TLN2: variants seen among roughly 807,000 people sequenced by gnomAD.
TLN2 encodes talin-2.
A neutral mutation model predicts 294.7 loss-of-function variants in TLN2; 118 were observed. The ratio of observed to expected loss-of-function variants is 0.40; its 90% confidence interval spans 0.34 to 0.47. The LOEUF (loss-of-function observed/expected upper bound fraction) is 0.47, where lower values mean the gene tolerates loss of function less well. Among genes scored for constraint, TLN2 ranks in the 20% least tolerant of loss-of-function variants. The pLI is 0.84. For synonymous variants in TLN2, 1,431 were observed against 1,304.5 expected, an observed-to-expected ratio of 1.10 and a Z score of -2.09; for missense variants, 3,083 against 3,282.2, an observed-to-expected ratio of 0.94 and a Z score of 1.48.
intron 44 of TLN2, 23 bp downstream of exon 44, chr15:62,781,264 T>G (rs373847201): frequency 5.4e-5 from 85 of 1,582,658 alleles, no homozygotes; most frequent in Non-Finnish European, 6.9e-5. Context: ...AGAGCTGCCC[T>G]CCCCACTGTT....
chr15:62,789,773 GCAT>G (rs1453917971), intron 45 of TLN2, among the ~76,000 whole-genome samples: 2 of 152,224 alleles, frequency 1.3e-5, no homozygotes, highest in African/African-American at 4.8e-5. Flanking sequence ...GTCTCTTCTA[GCAT>G]CATGGTTTCA....
At chr15:62,582,845 A>G (rs2045259837) in intron 1 of TLN2, among the ~76,000 whole-genome samples, 1 of 152,180 alleles carries the variant, frequency 6.6e-6, no homozygotes, top group Non-Finnish European at 1.5e-5. Flanking sequence ...ACGGTAGATC[A>G]GAGTGTAGCC....
At chr15:62,619,193 G>T (rs1038646187) in intron 3 of TLN2, among the ~76,000 whole-genome samples, 4 of 152,136 alleles carry the variant, frequency 2.6e-5, no homozygotes, top group Admixed American at 1.3e-4. Flanking sequence ...TGAAAGGAGG[G>T]AGGCAGTATG....
chr15:62,486,809 G>A (rs2038424245), intron 1 of TLN2, among the ~76,000 whole-genome samples: 1 of 147,118 alleles, frequency 6.8e-6, no homozygotes. Context: ...TGGTTTGCAA[G>A]GTTTTTTTTT....
intron 12 of TLN2, among the ~76,000 whole-genome samples, chr15:62,692,094 C>G (rs766908663): frequency 4.6e-5 from 7 of 152,210 alleles, no homozygotes; most frequent in Non-Finnish European, 8.8e-5. Context: ...CAGTTTTATT[C>G]TCTGAGCCCT....
chr15:62,677,805 A>ATTTTTTTTTTTTTTTT (rs1555466874), intron 11 of TLN2, among the ~76,000 whole-genome samples: 6 of 11,138 alleles, frequency 5.4e-4, no homozygotes, highest in South Asian at 4.5e-3. Flanking sequence ...AGCACTTGCA[A>ATTTTTTTTTTTTTTTT]CTTTTTTTTT....
intron 37 of TLN2, among the ~76,000 whole-genome samples, chr15:62,759,307 T>G (rs2062510082): frequency 6.6e-6 from 1 of 152,226 alleles, no homozygotes; most frequent in Non-Finnish European, 1.5e-5. Context: ...TTGTCCTTTT[T>G]GAGAATGGAA....
Position 62,753,791 on chromosome 15 carries a change from A to C in TLN2, c.4351A>C (p.Ile1451Leu). 6.2e-7 allele frequency: 1 copy of C among 1,610,178 alleles called. No individual in the cohort carries two copies. ...TTTCTAGGCTGCATACTTGGTTGGC[A>C]TCTCTGATCCAAACAGCCAGGCAGG... Reference protein sequence around the residue: ...AAAQAAYLVGISDPNSQAGHQ... With the variant: ...AAAQAAYLVGLSDPNSQAGHQ... The change falls in exon 36 of 59, where the codon ATC becomes CTC. Residue 1451 changes from isoleucine to leucine, a missense_variant. By Grantham distance (5) the Ile-to-Leu change is conservative. Coordinates refer to ENST00000636159, the MANE Select transcript of TLN2 (RefSeq NM_015059.3).
At chr15:62,665,399 G>A (rs2054494126) in intron 9 of TLN2, among the ~76,000 whole-genome samples, 1 of 152,192 alleles carries the variant, frequency 6.6e-6, no homozygotes, top group South Asian at 2.1e-4. Context: ...TGGGCTTGAA[G>A]TGATAAAACT....
chr15:62,446,631 AAAAT>A (rs1389285371), intron 1 of TLN2, among the ~76,000 whole-genome samples: 2 of 151,568 alleles, frequency 1.3e-5, no homozygotes, highest in Non-Finnish European at 2.9e-5. Context: ...CTTATATAAA[AAAAT>A]GAATGGAACT....
intron 21 of TLN2, among the ~76,000 whole-genome samples, chr15:62,710,623 A>G (rs2059363131): frequency 6.6e-6 from 1 of 151,432 alleles, no homozygotes; most frequent in African/African-American, 2.4e-5. Context: ...AGGATAGCAC[A>G]TTTGTCAAAA....
At chr15:62,481,921 C>A (rs1289768434) in intron 1 of TLN2, among the ~76,000 whole-genome samples, 1 of 150,184 alleles carries the variant, frequency 6.7e-6, no homozygotes, top group Non-Finnish European at 1.5e-5. Context: ...CTCAGCCTCC[C>A]GAGTAGCTGG....
At chr15:62,517,337 C>A (rs1313741785) in intron 1 of TLN2, among the ~76,000 whole-genome samples, 1 of 152,210 alleles carries the variant, frequency 6.6e-6, no homozygotes, top group Non-Finnish European at 1.5e-5. Context: ...AAGGTTCACA[C>A]ATTTGTTGTA....
chr15:62,771,151 C>A lies in TLN2; in HGVS notation c.5367+17C>A. 1.3e-6 allele frequency: 2 copies of A among 1,592,622 alleles called. No individual in the cohort carries two copies. The highest frequency in any genetic ancestry group is 2.3e-5 in the South Asian group (2 of 88,336). On this transcript the variant is annotated intron_variant, in intron 42 of 58. Coordinates refer to ENST00000636159, the MANE Select transcript of TLN2 (RefSeq NM_015059.3). ...AACCCCAAGGTATGGTCCAGGATAT[C>A]GGGGACTCACTTAGGACCACTAAGA...
chr15:62,835,114 A>G (rs1410569170), intron 55 of TLN2: 1 of 152,662 alleles, frequency 6.6e-6, no homozygotes, highest in Non-Finnish European at 1.5e-5. Context: ...GCTTCAAGGT[A>G]TTTCCTCCTG....
rs373619007 is a variant in TLN2 at position 62,675,206 on chromosome 15, C to T, written c.853-11C>T. 15 of 1,613,728 alleles carry T rather than the reference C, an allele frequency of 9.3e-6. No homozygotes were observed. The highest frequency in any genetic ancestry group is 5.0e-5 in the Admixed American group (3 of 60,004). ...TGCAATAACTGGTCCCGACCACTGT[C>T]ACTTTTGCAGGAGCATAAGAACTGC... On this transcript the variant is annotated splice_polypyrimidine_tract_variant and intron_variant, in intron 10 of 58. Transcript: ENST00000636159.
chr15:62,469,947 T>G (rs916831833), intron 1 of TLN2, among the ~76,000 whole-genome samples: 5 of 150,586 alleles, frequency 3.3e-5, no homozygotes, highest in Admixed American at 6.7e-5. Flanking sequence ...TGTGTGGGGG[T>G]GTGTGTGTGA....
intron 43 of TLN2, 131 bp downstream of exon 43, chr15:62,777,041 GA>G: frequency 1.2e-6 from 1 of 807,236 alleles, no homozygotes; most frequent in African/African-American, 1.8e-5. Flanking sequence ...TTAATGTACA[GA>G]TATCCAGTCA....
At chr15:62,562,698 C>G (rs959038026) in intron 1 of TLN2, among the ~76,000 whole-genome samples, 1 of 151,942 alleles carries the variant, frequency 6.6e-6, no homozygotes, top group Non-Finnish European at 1.5e-5. Flanking sequence ...CACCCACTTC[C>G]CACCCTTTCC....
Sources: gnomAD v4.1 joint callset for allele counts (sites outside exome capture counted in the v4.1 genomes callset) on GRCh38, gnomAD v4.1.1 for gene constraint, MANE v1.5 for transcripts, NCBI Gene and HGNC (gene_info 2026-07-23, HGNC 2026-07-21) for gene names.